PCDH17: variants seen among roughly 807,000 people sequenced by gnomAD.
PCDH17 encodes the protein protocadherin 17.
Under a neutral mutation model 67.7 loss-of-function variants are expected in PCDH17, and 21 were observed. The observed-to-expected ratio is 0.31, with a 90% confidence interval of 0.22 to 0.45. The LOEUF (loss-of-function observed/expected upper bound fraction) is 0.45, where lower values mean the gene tolerates loss of function less well. Ranked by LOEUF, PCDH17 falls within the 20% of genes least tolerant of loss-of-function variation. The probability of loss-of-function intolerance (pLI) is 1.00; values close to 1 mark genes in which losing one functional copy is unlikely to be tolerated. For synonymous variants in PCDH17, 701 were observed against 656.7 expected (o/e 1.07, Z -1.03); for missense variants, 1,471 against 1,564.8 (o/e 0.94, Z 1.01).
At chr13:57,697,177 A>G (rs1252809418) in intron 3 of PCDH17, among the ~76,000 whole-genome samples, 1 of 150,078 alleles carries the variant, frequency 6.7e-6, no homozygotes, top group Non-Finnish European at 1.5e-5. Context: ...TTAAGTGAAA[A>G]CCCCATGAAT....
chr13:57,655,289 C>A (rs1955088939), intron 1 of PCDH17, among the ~76,000 whole-genome samples: 1 of 151,740 alleles, frequency 6.6e-6, no homozygotes. Context: ...GTAACATTAT[C>A]TAAATAATAA....
chr13:57,632,862 C>G lies in PCDH17; in HGVS notation c.316C>G (p.Leu106Val). The G allele has an allele frequency of 6.2e-7, 1 of 1,614,016 alleles. No homozygotes were observed. The highest frequency in any genetic ancestry group is 1.6e-4 in the Middle Eastern group (1 of 6,062). Residue 106 changes from leucine to valine, a missense_variant, in exon 1 of 4, where the codon CTC (leucine) becomes GTC (valine). Leu to Val is a conservative substitution (Grantham distance 32). This residue lies in a region of PCDH17 where 1,163 missense variants were observed against 1,230.0 expected (regional missense o/e 0.95). Transcript: ENST00000377918. ...CCACAATGCCAAGTGCCAGCTGTCC[C>G]TCGAGGTGTTCGCCAACGACAAGGA... ...CRHNAKCQLS[L>V]EVFANDKEIC...
intron 3 of PCDH17, among the ~76,000 whole-genome samples, chr13:57,682,747 G>C (rs1043834324): frequency 1.3e-5 from 2 of 151,734 alleles, no homozygotes; most frequent in African/African-American, 4.8e-5. Context: ...AAGATTGATC[G>C]AGTATTAAGA....
At chr13:57,720,901 C>T (rs1016500830) in intron 3 of PCDH17, among the ~76,000 whole-genome samples, 9 of 152,062 alleles carry the variant, frequency 5.9e-5, no homozygotes, top group South Asian at 2.1e-4. Context: ...CCCTTTGAGG[C>T]TTGCATAACA....
At chr13:57,691,531 C>A (rs141609271) in intron 3 of PCDH17, among the ~76,000 whole-genome samples, 1 of 150,974 alleles carries the variant, frequency 6.6e-6, no homozygotes, top group Admixed American at 6.6e-5. Flanking sequence ...ATTCTATTTG[C>A]CTCTTTTGTG....
intron 1 of PCDH17, among the ~76,000 whole-genome samples, chr13:57,662,871 C>T (rs1566226379): frequency 6.6e-6 from 1 of 152,022 alleles, no homozygotes; most frequent in Non-Finnish European, 1.5e-5. Context: ...CTTGCTTGCT[C>T]ACTTGTTTAT....
At chr13:57,657,141 G>C (rs912403444) in intron 1 of PCDH17, among the ~76,000 whole-genome samples, 1 of 152,074 alleles carries the variant, frequency 6.6e-6, no homozygotes. Context: ...ATTTCAAAGA[G>C]TTAGCATTTG....
intron 3 of PCDH17, among the ~76,000 whole-genome samples, chr13:57,719,375 C>G (rs1955854120): frequency 6.6e-6 from 1 of 152,006 alleles, no homozygotes; most frequent in Non-Finnish European, 1.5e-5. Flanking sequence ...ACAATTTAGA[C>G]TGTCTTTATT....
rs1593885558 is a variant in PCDH17 at position 57,632,912 on chromosome 13, C to T, written c.366C>T (p.Ile122=). Residue 122 remains isoleucine, a synonymous_variant, in exon 1 of 4, where the codon ATC becomes ATT. Transcript: ENST00000377918. Reference sequence around the variant, plus strand: ...AGATCTGCATGATCAAGGTAGAGATCCAGGACATCAACGACAACGCGCCCT... The same window carrying T: ...AGATCTGCATGATCAAGGTAGAGATTCAGGACATCAACGACAACGCGCCCT... ...DKEICMIKVE[I]QDINDNAPSF... is the part of the protein sequence containing the mutation. 2 of 1,614,100 alleles carry T rather than the reference C, an allele frequency of 1.2e-6. No individual in the cohort carries two copies. Among genetic ancestry groups the T allele is most frequent in the Non-Finnish European group, 1.7e-6 (2 of 1,180,030 alleles).
intron 3 of PCDH17, among the ~76,000 whole-genome samples, chr13:57,724,115 T>C (rs1478523984): frequency 6.6e-6 from 1 of 152,244 alleles, no homozygotes; most frequent in East Asian, 1.9e-4. Flanking sequence ...TTTTATTTCA[T>C]GACTGTCATC....
intron 3 of PCDH17, among the ~76,000 whole-genome samples, chr13:57,714,540 C>A (rs1663293013): frequency 6.6e-6 from 1 of 151,594 alleles, no homozygotes; most frequent in African/African-American, 2.4e-5. Context: ...ACATCCTCTC[C>A]AAAGATGAAG....
At chr13:57,699,844 G>GA (rs938565169) in intron 3 of PCDH17, among the ~76,000 whole-genome samples, 4 of 151,552 alleles carry the variant, frequency 2.6e-5, no homozygotes, top group South Asian at 4.2e-4. Flanking sequence ...TCTTTTCCAG[G>GA]AAAAAAATGT....
chr13:57,651,213 T>C (rs1212460464), intron 1 of PCDH17, among the ~76,000 whole-genome samples: 3 of 152,162 alleles, frequency 2.0e-5, no homozygotes, highest in African/African-American at 7.2e-5. Flanking sequence ...TAAAATTGTA[T>C]AAATTTCATG....
At chr13:57,643,359 G>A (rs757795181) in intron 1 of PCDH17, among the ~76,000 whole-genome samples, 1 of 151,498 alleles carries the variant, frequency 6.6e-6, no homozygotes, top group Non-Finnish European at 1.5e-5. Flanking sequence ...TTGTTTAAAA[G>A]AATATTTTTC....
intron 3 of PCDH17, among the ~76,000 whole-genome samples, chr13:57,668,110 C>T (rs1955278241): frequency 6.6e-6 from 1 of 151,756 alleles, no homozygotes; most frequent in Admixed American, 6.6e-5. Context: ...TTAACAAAAG[C>T]AATGTGAATC....
chr13:57,696,983 AT>A (rs938002739), intron 3 of PCDH17, among the ~76,000 whole-genome samples: 12 of 151,450 alleles, frequency 7.9e-5, no homozygotes, highest in African/African-American at 2.7e-4. Flanking sequence ...ATAATTCTTA[AT>A]TTTTTTTGTA....
chr13:57,661,053 T>C, intron 1 of PCDH17, among the ~76,000 whole-genome samples: 1 of 152,166 alleles, frequency 6.6e-6, no homozygotes, highest in Non-Finnish European at 1.5e-5. Flanking sequence ...ATATGATAGA[T>C]TTATGTTTGA....
intron 3 of PCDH17, among the ~76,000 whole-genome samples, chr13:57,690,586 A>G (rs1209265241): frequency 6.6e-6 from 1 of 151,560 alleles, no homozygotes; most frequent in Non-Finnish European, 1.5e-5. Flanking sequence ...TTACCAAATT[A>G]TGCACCTGAA....
chr13:57,700,960 C>T (rs898805800), intron 3 of PCDH17, among the ~76,000 whole-genome samples: 9 of 151,964 alleles, frequency 5.9e-5, no homozygotes, highest in African/African-American at 2.2e-4. Context: ...CCCAGGAATT[C>T]GAGACCAGCC....
Sources: allele counts gnomAD v4.1 joint callset (sites outside exome capture counted in the v4.1 genomes callset), GRCh38; gene constraint gnomAD v4.1.1; regional missense constraint gnomAD v4.1.1; transcripts MANE v1.5; gene names NCBI Gene and HGNC (gene_info 2026-07-23, HGNC 2026-07-21).